Variants in DLG2 observed in about 807,000 individuals in gnomAD.
DLG2 encodes the protein disks large homolog 2.
A neutral mutation model predicts 132.5 loss-of-function variants in DLG2; 45 were observed. That is an observed-to-expected ratio of 0.34 (90% CI 0.27 to 0.44). The LOEUF is 0.44. Among genes scored for constraint, DLG2 ranks in the 20% least tolerant of loss-of-function variants. DLG2 has a pLI of 1.00. For missense variants in DLG2, 1,045 were observed against 1,196.9 expected (o/e 0.87, Z 1.87); for synonymous variants, 424 against 419.6 (o/e 1.01, Z -0.13).
chr11:84,717,403 G>A (rs892012832), intron 6 of DLG2, among the ~76,000 whole-genome samples: 3 of 151,774 alleles, frequency 2.0e-5, no homozygotes, highest in Non-Finnish European at 4.4e-5. Context: ...AATCAATATT[G>A]TAAGAAATGT....
chr11:85,042,420 A>T (rs191962235), intron 6 of DLG2, among the ~76,000 whole-genome samples: 7 of 152,030 alleles, frequency 4.6e-5, no homozygotes, highest in Non-Finnish European at 1.0e-4. Flanking sequence ...TACATAGATT[A>T]TCTTAATTCT....
chr11:85,024,139 G>T (rs79027233), intron 6 of DLG2, among the ~76,000 whole-genome samples: 2,051 of 152,126 alleles, frequency 0.013, 46 homozygotes, highest in African/African-American at 0.046. Context: ...AATTTCAGGG[G>T]GTTGATGGGA....
chr11:84,906,092 A>G (rs1462127144), intron 6 of DLG2, among the ~76,000 whole-genome samples: 1 of 152,158 alleles, frequency 6.6e-6, no homozygotes, highest in Admixed American at 6.5e-5. Context: ...GCTAGAATAT[A>G]TGATCAGTCA....
intron 3 of DLG2, among the ~76,000 whole-genome samples, chr11:85,505,679 T>A (rs2093914082): frequency 6.6e-6 from 1 of 152,194 alleles, no homozygotes; most frequent in African/African-American, 2.4e-5. Flanking sequence ...TCTAAAATTA[T>A]CTTTTTTTGC....
intron 6 of DLG2, among the ~76,000 whole-genome samples, chr11:84,668,349 G>A (rs1565609941): frequency 6.6e-6 from 1 of 152,028 alleles, no homozygotes; most frequent in Non-Finnish European, 1.5e-5. Context: ...TCTTCTTTAA[G>A]CAATTGAGTT....
intron 11 of DLG2, among the ~76,000 whole-genome samples, chr11:84,043,154 T>C (rs2096139535): frequency 6.6e-6 from 1 of 151,608 alleles, no homozygotes; most frequent in African/African-American, 2.4e-5. Context: ...TAATTAATTA[T>C]AAATTGAGCA....
At chr11:83,989,645 G>C (rs2093590511) in intron 11 of DLG2, among the ~76,000 whole-genome samples, 1 of 152,178 alleles carries the variant, frequency 6.6e-6, no homozygotes, top group Admixed American at 6.6e-5. Flanking sequence ...TCAGATTCCA[G>C]GCTGGATAAA....
Position 85,238,794 on chromosome 11 carries a change from T to A in DLG2, c.186+46426A>T, listed in dbSNP as rs1210302247. 2.0e-5 allele frequency among the ~76,000 whole-genome samples: 3 copies of A among 152,066 alleles called. No individual in the cohort carries two copies. The East Asian group carries it at 5.8e-4, about 29-fold the overall frequency. Reference sequence around the variant, plus strand: ...CAAAAAGTTCAAGGTTTTTCATGCCTGCTGGTATACCTGAAGTGACAGCTT... The same window carrying A: ...CAAAAAGTTCAAGGTTTTTCATGCCAGCTGGTATACCTGAAGTGACAGCTT... On this transcript the variant is annotated intron_variant, in intron 4 of 27. Coordinates refer to ENST00000376104, the MANE Select transcript of DLG2 (RefSeq NM_001142699.3).
At chr11:84,411,085 G>C (rs1015369639) in intron 7 of DLG2, among the ~76,000 whole-genome samples, 5 of 152,122 alleles carry the variant, frequency 3.3e-5, no homozygotes, top group African/African-American at 1.2e-4. Flanking sequence ...TGAAAAGGCA[G>C]AACACAGCTT....
At chr11:84,670,688 C>T (rs1451735322) in intron 6 of DLG2, among the ~76,000 whole-genome samples, 1 of 152,106 alleles carries the variant, frequency 6.6e-6, no homozygotes, top group African/African-American at 2.4e-5. Context: ...GATGAGGAAA[C>T]AGCTTCCAAG....
At chr11:83,676,002 G>A (rs1484919189) in intron 18 of DLG2, among the ~76,000 whole-genome samples, 1 of 152,138 alleles carries the variant, frequency 6.6e-6, no homozygotes, top group African/African-American at 2.4e-5. Context: ...GCTGCTGGAT[G>A]CTTTTCCAGC....
At chr11:84,192,407 T>C (rs2096429224) in intron 8 of DLG2, among the ~76,000 whole-genome samples, 2 of 152,128 alleles carry the variant, frequency 1.3e-5, no homozygotes, top group Non-Finnish European at 2.9e-5. Flanking sequence ...CTTTTTATAA[T>C]GAGATATTTT....
chr11:84,442,621 T>C (rs1179088987), intron 7 of DLG2, among the ~76,000 whole-genome samples: 1 of 151,842 alleles, frequency 6.6e-6, no homozygotes, highest in Non-Finnish European at 1.5e-5. Flanking sequence ...ACGGCACATG[T>C]ATACCTATCT....
intron 6 of DLG2, among the ~76,000 whole-genome samples, chr11:84,995,477 C>G (rs2057545898): frequency 6.6e-6 from 1 of 152,172 alleles, no homozygotes; most frequent in African/African-American, 2.4e-5. Flanking sequence ...ACATATTTGT[C>G]TCTCTCCACA....
At chr11:85,384,994 G>A in intron 3 of DLG2, among the ~76,000 whole-genome samples, 1 of 152,120 alleles carries the variant, frequency 6.6e-6, no homozygotes, top group Non-Finnish European at 1.5e-5. Flanking sequence ...CTCATAGTGG[G>A]AGCTCAATAG....
At chr11:85,574,664 T>C (rs1356586881) in intron 3 of DLG2, among the ~76,000 whole-genome samples, 2 of 152,140 alleles carry the variant, frequency 1.3e-5, no homozygotes, top group South Asian at 2.1e-4. Flanking sequence ...CTGCAAGATC[T>C]GATTGTTAAA....
intron 4 of DLG2, among the ~76,000 whole-genome samples, chr11:85,167,897 T>TA (rs1566960322): frequency 1.3e-5 from 2 of 152,144 alleles, no homozygotes; most frequent in African/African-American, 4.8e-5. Context: ...TACCATTTTA[T>TA]AGACTACTTC....
chr11:84,195,125 C>G (rs2096491337), intron 8 of DLG2, among the ~76,000 whole-genome samples: 1 of 152,076 alleles, frequency 6.6e-6, no homozygotes, highest in African/African-American at 2.4e-5. Context: ...GCTGCTAGCA[C>G]ACTGTCACCT....
chr11:85,348,020 T>G (rs2082989227), intron 3 of DLG2, among the ~76,000 whole-genome samples: 1 of 129,808 alleles, frequency 7.7e-6, no homozygotes, highest in Non-Finnish European at 1.6e-5. Context: ...CTCGCTCTGT[T>G]GCCAGGCTGG....
Sources: allele counts gnomAD v4.1 joint callset (sites outside exome capture counted in the v4.1 genomes callset), GRCh38; gene constraint gnomAD v4.1.1; transcripts MANE v1.5; gene names NCBI Gene and HGNC (gene_info 2026-07-23, HGNC 2026-07-21).